The following LRRC4C variants were observed in gnomAD, a reference collection of about 807,000 sequenced individuals.
The protein encoded by LRRC4C is leucine-rich repeat-containing protein 4C.
In LRRC4C, 5 loss-of-function variants were observed where a neutral mutation model predicts 33.6. The observed-to-expected ratio is 0.15, with a 90% confidence interval of 0.08 to 0.31. The LOEUF (loss-of-function observed/expected upper bound fraction) is 0.31. Ranked by LOEUF, LRRC4C falls within the 10% of genes least tolerant of loss-of-function variation. LRRC4C has a pLI of 1.00. For synonymous variants in LRRC4C, 329 were observed against 302.0 expected, an observed-to-expected ratio of 1.09 and a Z score of -0.93; for missense variants, 560 against 796.7, an observed-to-expected ratio of 0.70 and a Z score of 3.58.
chr11:40,338,169 G>A (rs1049790690), intron 3 of LRRC4C, among the ~76,000 whole-genome samples: 3 of 152,168 alleles, frequency 2.0e-5, no homozygotes, highest in Admixed American at 6.6e-5. Flanking sequence ...ATATGAGGAT[G>A]TGGCTGTTTG....
chr11:41,195,025 A>T (rs1415030777), intron 1 of LRRC4C, among the ~76,000 whole-genome samples: 3 of 152,062 alleles, frequency 2.0e-5, no homozygotes, highest in African/African-American at 7.2e-5. Flanking sequence ...GATAAAAAAA[A>T]AAACTGATGC....
chr11:40,306,515 T>A (rs1322902872), intron 4 of LRRC4C, among the ~76,000 whole-genome samples: 2 of 152,334 alleles, frequency 1.3e-5, no homozygotes, highest in East Asian at 3.9e-4. Context: ...GTGTATGGCA[T>A]GTGTCCCTTC....
intron 3 of LRRC4C, among the ~76,000 whole-genome samples, chr11:40,377,748 C>T (rs1309510244): frequency 1.3e-5 from 2 of 151,816 alleles, no homozygotes; most frequent in African/African-American, 2.4e-5. Context: ...GGAAAGAAAA[C>T]AAAAGAACAA....
At chr11:41,062,411 C>T (rs1937851096) in intron 1 of LRRC4C, among the ~76,000 whole-genome samples, 1 of 152,154 alleles carries the variant, frequency 6.6e-6, no homozygotes, top group Admixed American at 6.5e-5. Flanking sequence ...GTAATCACTC[C>T]ACCTGGCTTA....
At chr11:40,553,229 G>A (rs769962266) in intron 3 of LRRC4C, among the ~76,000 whole-genome samples, 10 of 152,052 alleles carry the variant, frequency 6.6e-5, no homozygotes, top group Admixed American at 1.3e-4. Context: ...CTGATATCGC[G>A]CCAGTGCACT....
intron 2 of LRRC4C, among the ~76,000 whole-genome samples, chr11:40,839,498 G>A (rs1344720682): frequency 7.9e-5 from 12 of 152,066 alleles, no homozygotes; most frequent in African/African-American, 1.9e-4. Context: ...TGCCTGCCTC[G>A]GCGTTCCAAA....
chr11:40,746,856 C>A (rs1255372543), intron 2 of LRRC4C, among the ~76,000 whole-genome samples: 3 of 152,130 alleles, frequency 2.0e-5, no homozygotes, highest in Non-Finnish European at 4.4e-5. Flanking sequence ...GGACACTGGC[C>A]CACTCAATTC....
chr11:40,454,512 A>G (rs1952043268), intron 3 of LRRC4C, among the ~76,000 whole-genome samples: 1 of 152,126 alleles, frequency 6.6e-6, no homozygotes. Context: ...TTATGGCACA[A>G]AGGGAGATTT....
chr11:40,892,789 A>G (rs1328403356), intron 2 of LRRC4C, among the ~76,000 whole-genome samples: 1 of 152,200 alleles, frequency 6.6e-6, no homozygotes, highest in Non-Finnish European at 1.5e-5. Context: ...TGGGGGCTGA[A>G]TATAAGTTAT....
chr11:40,502,897 AG>A (rs1300055492), intron 3 of LRRC4C, among the ~76,000 whole-genome samples: 2 of 152,216 alleles, frequency 1.3e-5, no homozygotes, highest in African/African-American at 4.8e-5. Context: ...ATGAGGCAAA[AG>A]TGTCACTTGA....
chr11:40,147,907 C>T (rs12801610), intron 5 of LRRC4C, among the ~76,000 whole-genome samples: 6 of 152,058 alleles, frequency 3.9e-5, no homozygotes, highest in Non-Finnish European at 8.8e-5. Context: ...CACCCTCACC[C>T]TGATAGGCCC....
At chr11:40,951,836 A>T (rs1172558554) in intron 1 of LRRC4C, among the ~76,000 whole-genome samples, 1 of 151,930 alleles carries the variant, frequency 6.6e-6, no homozygotes, top group Non-Finnish European at 1.5e-5. Context: ...ATTGAGTAGC[A>T]CATAGTTTCT....
At chr11:40,962,272 G>A (rs1419285619) in intron 1 of LRRC4C, among the ~76,000 whole-genome samples, 1 of 151,606 alleles carries the variant, frequency 6.6e-6, no homozygotes, top group Non-Finnish European at 1.5e-5. Context: ...GGAGGTTCTA[G>A]AGGTGAGAAA....
intron 3 of LRRC4C, among the ~76,000 whole-genome samples, chr11:40,391,996 A>G (rs748607913): frequency 1.3e-5 from 2 of 152,190 alleles, no homozygotes; most frequent in African/African-American, 2.4e-5. Context: ...CCAAGAAAAT[A>G]CATGGATAAA....
At chr11:41,130,048 G>C (rs1942939714) in intron 1 of LRRC4C, among the ~76,000 whole-genome samples, 1 of 152,018 alleles carries the variant, frequency 6.6e-6, no homozygotes. Context: ...ACTGAGAAGA[G>C]AGAATAGGAT....
At chr11:41,005,923 A>G (rs1348486455) in intron 1 of LRRC4C, among the ~76,000 whole-genome samples, 3 of 152,130 alleles carry the variant, frequency 2.0e-5, no homozygotes, top group Admixed American at 1.3e-4. Flanking sequence ...CTTCAGGTAC[A>G]GAGTAGAGAC....
chr11:41,357,401 A>C (rs1952200825), intron 1 of LRRC4C, among the ~76,000 whole-genome samples: 1 of 152,156 alleles, frequency 6.6e-6, no homozygotes, highest in African/African-American at 2.4e-5. Flanking sequence ...TATTCTAACA[A>C]AAATTAGAAG....
intron 3 of LRRC4C, among the ~76,000 whole-genome samples, chr11:40,341,998 CAA>C (rs55668275): frequency 7.0e-6 from 1 of 142,176 alleles, no homozygotes; most frequent in African/African-American, 2.6e-5. Context: ...GCACTTTTCT[CAA>C]AAAAAAAAAA....
chr11:40,882,864 C>G (rs1464163028), intron 2 of LRRC4C, among the ~76,000 whole-genome samples: 2 of 152,034 alleles, frequency 1.3e-5, no homozygotes, highest in Non-Finnish European at 2.9e-5. Flanking sequence ...TAGAATCTAG[C>G]AAGCATGCAC....
Sources: gnomAD v4.1 joint callset for allele counts (sites outside exome capture counted in the v4.1 genomes callset) on GRCh38, gnomAD v4.1.1 for gene constraint, MANE v1.5 for transcripts, NCBI Gene and HGNC (gene_info 2026-07-23, HGNC 2026-07-21) for gene names.